SLA2: variants seen among roughly 807,000 people sequenced by gnomAD.
The protein encoded by SLA2 is Src like adaptor 2.
Under a neutral mutation model 27.3 loss-of-function variants are expected in SLA2, and 22 were observed. That is an observed-to-expected ratio of 0.81 (90% confidence interval 0.58 to 1.15). The LOEUF is 1.15. Ranked by LOEUF, SLA2 falls within the 50% of genes most tolerant of loss-of-function variation. The pLI is 0.00. For synonymous variants in SLA2, 131 were observed against 137.8 expected, an observed-to-expected ratio of 0.95 and a Z score of 0.34; for missense variants, 304 against 322.2, an observed-to-expected ratio of 0.94 and a Z score of 0.43.
intron 2 of SLA2, 101 bp downstream of exon 2, chr20:36,641,144 G>A (rs1245016769): frequency 1.0e-6 from 1 of 985,618 alleles, no homozygotes; most frequent in Non-Finnish European, 1.6e-6. Flanking sequence ...CCTCAGCGGT[G>A]CTTACACTGT....
intron 5 of SLA2, among the ~76,000 whole-genome samples, chr20:36,624,361 C>T (rs759528819): frequency 2.0e-5 from 3 of 152,176 alleles, no homozygotes; most frequent in African/African-American, 4.8e-5. Context: ...CTGCTGAGGA[C>T]GCGCCTCCCT....
chr20:36,641,597 C>T (rs1397220739), intron 1 of SLA2, among the ~76,000 whole-genome samples: 1 of 152,088 alleles, frequency 6.6e-6, no homozygotes, highest in East Asian at 1.9e-4. Flanking sequence ...ACAACAGGCT[C>T]AACTTTTTCT....
chr20:36,632,477 T>C (rs2039402052), intron 5 of SLA2, 118 bp downstream of exon 5: 2 of 752,374 alleles, frequency 2.7e-6, no homozygotes, highest in Non-Finnish European at 4.5e-6. Flanking sequence ...GAAATCTTGG[T>C]TGACTGAGAA....
chr20:36,644,057 A>G (rs1978285775), intron 1 of SLA2, among the ~76,000 whole-genome samples: 1 of 152,032 alleles, frequency 6.6e-6, no homozygotes, highest in Admixed American at 6.6e-5. Context: ...GGCATATGGC[A>G]TGGAAATGGG....
At chr20:36,620,069 C>CG (rs1308725232) in intron 5 of SLA2, among the ~76,000 whole-genome samples, 1 of 151,478 alleles carries the variant, frequency 6.6e-6, no homozygotes, top group Non-Finnish European at 1.5e-5. Context: ...CCAGCCTGGG[C>CG]GACAGAGCGA....
intron 5 of SLA2, among the ~76,000 whole-genome samples, chr20:36,619,221 A>G (rs376794690): frequency 1.2e-3 from 86 of 74,280 alleles, no homozygotes; most frequent in African/African-American, 3.1e-3. Flanking sequence ...ACTCTGGGGG[A>G]AAAAAAAAAA....
Position 36,632,698 on chromosome 20 carries a change from C to G in SLA2, c.279G>C (p.Gly93=), listed in dbSNP as rs1332462521. 1.2e-6 allele frequency: 2 copies of G among 1,613,280 alleles called. No individual in the cohort carries two copies. Among genetic ancestry groups the G allele is most frequent in the Admixed American group, 3.3e-5 (2 of 59,974 alleles). ...PSVHVAKVSH[G]WLYEGLSREK... The stretch of plus-strand genomic sequence containing the variant: ...CCCTGCTCAGGCCCTCATACAGCCA[C>G]CTGGCGGAGCGAAAGAGAGGGACAA... Residue 93 remains glycine (G), a splice_region_variant and synonymous_variant, in exon 5 of 8, where the codon GGG becomes GGC. Coordinates refer to ENST00000262866, the MANE Select transcript of SLA2 (RefSeq NM_032214.4).
chr20:36,623,150 T>C (rs111964647), intron 5 of SLA2, among the ~76,000 whole-genome samples: 2,871 of 151,566 alleles, frequency 0.019, 96 homozygotes, highest in African/African-American at 0.066. Flanking sequence ...GTGCCTGTAA[T>C]CTCAGGTACT....
chr20:36,621,138 T>C, intron 5 of SLA2: 1 of 417,112 alleles, frequency 2.4e-6, no homozygotes, highest in Non-Finnish European at 4.7e-6. Context: ...CTTATAGCAG[T>C]AGACGGGGCT....
intron 5 of SLA2, among the ~76,000 whole-genome samples, chr20:36,616,854 A>T (rs1389527084): frequency 2.6e-5 from 4 of 152,110 alleles, no homozygotes; most frequent in African/African-American, 7.2e-5. Context: ...GTTCGAGACC[A>T]CCCTGGCCAA....
intron 5 of SLA2, 68 bp downstream of exon 5, chr20:36,632,527 T>C: frequency 7.9e-7 from 1 of 1,261,952 alleles, no homozygotes; most frequent in Non-Finnish European, 1.2e-6. Flanking sequence ...CCTGCAGCCA[T>C]ATATCTGTGG....
intron 2 of SLA2, among the ~76,000 whole-genome samples, chr20:36,635,077 A>G (rs953828859): frequency 6.6e-6 from 1 of 151,970 alleles, no homozygotes; most frequent in Non-Finnish European, 1.5e-5. Context: ...TGTGGTGACC[A>G]TAAGGCCCAA....
intron 3 of SLA2, among the ~76,000 whole-genome samples, chr20:36,634,138 C>G (rs533466566): frequency 6.6e-6 from 1 of 152,008 alleles, no homozygotes; most frequent in Non-Finnish European, 1.5e-5. Flanking sequence ...CAGGCGTCTG[C>G]CACCAAGCCC....
At chr20:36,619,409 C>T (rs2039254644) in intron 5 of SLA2, among the ~76,000 whole-genome samples, 1 of 150,712 alleles carries the variant, frequency 6.6e-6, no homozygotes, top group East Asian at 2.0e-4. Flanking sequence ...GCCTGTAATC[C>T]CAGCTACTTG....
chr20:36,634,603 C>A lies in SLA2; in HGVS notation c.92-14G>T. On this transcript the variant is annotated splice_polypyrimidine_tract_variant and intron_variant, in intron 2 of 7. Transcript: ENST00000262866. ...CCTTGCTTCTCTCTAGATGGAGGGA[C>A]AGAAATAGTCACCTACTTAGCTAGC... 6.5e-7 allele frequency: 1 copy of A among 1,546,626 alleles called. No individual in the cohort carries two copies.
At chr20:36,633,431 C>T (rs1440522341) in intron 4 of SLA2, 112 bp downstream of exon 4, 6 of 886,210 alleles carry the variant, frequency 6.8e-6, no homozygotes, top group South Asian at 1.5e-5. Flanking sequence ...GACCTGGGTT[C>T]GATTCTCCCC....
chr20:36,614,210 A>G, intron 7 of SLA2, 95 bp downstream of exon 7: 8 of 1,589,252 alleles, frequency 5.0e-6, no homozygotes, highest in Non-Finnish European at 5.2e-6. Flanking sequence ...GGTGTCCCTG[A>G]GTGTGACAGG....
intron 7 of SLA2, 59 bp downstream of exon 7, chr20:36,614,246 G>C (rs2039178467): frequency 6.2e-7 from 1 of 1,613,322 alleles, no homozygotes; most frequent in Non-Finnish European, 8.5e-7. Context: ...GGCTTCCCAG[G>C]GGTGGGTCCT....
At chr20:36,638,704 T>C (rs2039477421) in intron 2 of SLA2, among the ~76,000 whole-genome samples, 1 of 152,240 alleles carries the variant, frequency 6.6e-6, no homozygotes, top group Non-Finnish European at 1.5e-5. Flanking sequence ...CCCTAGGCTC[T>C]GTCCAGGGGA....
Sources: allele counts gnomAD v4.1 joint callset (sites outside exome capture counted in the v4.1 genomes callset), GRCh38; gene constraint gnomAD v4.1.1; transcripts MANE v1.5; gene names NCBI Gene and HGNC (gene_info 2026-07-23, HGNC 2026-07-21).